Variants in WWP1 observed in about 807,000 individuals in gnomAD.
The protein encoded by WWP1 is NEDD4-like E3 ubiquitin-protein ligase WWP1.
A neutral mutation model predicts 130.6 loss-of-function variants in WWP1; 49 were observed. The observed-to-expected ratio is 0.38, with a 90% CI of 0.30 to 0.48. The LOEUF (loss-of-function observed/expected upper bound fraction) is 0.48. Among genes scored for constraint, WWP1 ranks in the 20% least tolerant of loss-of-function variants. The probability of loss-of-function intolerance (pLI) is 0.99; values close to 1 mark genes in which losing one functional copy is unlikely to be tolerated. For missense variants in WWP1, 809 were observed against 1,100.6 expected (o/e 0.74, Z 3.75); for synonymous variants, 332 against 367.8 (o/e 0.90, Z 1.11).
intron 1 of WWP1, among the ~76,000 whole-genome samples, chr8:86,361,639 A>G (rs1182670891): frequency 6.6e-6 from 1 of 152,096 alleles, no homozygotes; most frequent in Non-Finnish European, 1.5e-5. Context: ...CTGGGCACAG[A>G]ATGCCTTGAA....
At chr8:86,427,116 T>G (rs1328516158) in intron 10 of WWP1, among the ~76,000 whole-genome samples, 1 of 148,206 alleles carries the variant, frequency 6.7e-6, no homozygotes, top group African/African-American at 2.5e-5. Flanking sequence ...TGAGCCAAGA[T>G]CACACCATTG....
intron 4 of WWP1, among the ~76,000 whole-genome samples, 153 bp downstream of exon 4, chr8:86,381,017 T>A (rs1824953831): frequency 6.6e-6 from 1 of 151,614 alleles, no homozygotes; most frequent in African/African-American, 2.4e-5. Flanking sequence ...TTGGTTAAAT[T>A]TTTTTTTTAA....
intron 9 of WWP1, among the ~76,000 whole-genome samples, chr8:86,412,639 A>G (rs7843399): frequency 0.15 from 22,482 of 151,734 alleles, 1,802 homozygotes; most frequent in Non-Finnish European, 0.19. Context: ...CTGCACTTCT[A>G]GATGTCTCTA....
intron 9 of WWP1, among the ~76,000 whole-genome samples, chr8:86,414,102 C>G (rs1003916990): frequency 6.6e-6 from 1 of 151,916 alleles, no homozygotes; most frequent in Non-Finnish European, 1.5e-5. Context: ...AGAGTGCAAC[C>G]CGTTAATAGG....
At chr8:86,395,792 A>AAAG (rs1178331475) in intron 5 of WWP1, among the ~76,000 whole-genome samples, 13 of 152,396 alleles carry the variant, frequency 8.5e-5, no homozygotes, top group Non-Finnish European at 1.6e-4. Flanking sequence ...AAATATCTTC[A>AAAG]AAGAGTTGAG....
At chr8:86,430,784 GATATATATCTCTCCATATATAT>G in intron 12 of WWP1, 33 bp downstream of exon 12, 1 of 1,141,494 alleles carries the variant, frequency 8.8e-7, no homozygotes, top group Non-Finnish European at 1.2e-6. Flanking sequence ...CTATAAGGGA[GATATATATCTCTCCATATATAT>G]ATATATATAT....
intron 18 of WWP1, among the ~76,000 whole-genome samples, chr8:86,446,917 G>T (rs886431448): frequency 6.6e-6 from 1 of 152,198 alleles, no homozygotes; most frequent in African/African-American, 2.4e-5. Flanking sequence ...AGCAGATATA[G>T]TAGAACACAA....
chr8:86,343,275 C>T (rs1226885169), intron 1 of WWP1: 1 of 154,592 alleles, frequency 6.5e-6, no homozygotes, highest in Non-Finnish European at 1.4e-5. Context: ...CCTAACACCT[C>T]CCTGAAAACA....
intron 22 of WWP1, among the ~76,000 whole-genome samples, chr8:86,460,145 A>C (rs186306503): frequency 2.0e-5 from 3 of 152,356 alleles, no homozygotes; most frequent in Admixed American, 6.5e-5. Flanking sequence ...ATAACCAGTC[A>C]ATGAAATAGA....
At chr8:86,400,067 A>G (rs1293534257) in intron 7 of WWP1, among the ~76,000 whole-genome samples, 2 of 152,168 alleles carry the variant, frequency 1.3e-5, no homozygotes, top group Non-Finnish European at 2.9e-5. Flanking sequence ...ATGGTGGCTC[A>G]TTCCTGTAAT....
In WWP1 at chr8:86,448,295, GT is replaced by G; in HGVS notation, c.2132+18del. On this transcript the variant is annotated intron_variant, in intron 19 of 24. Transcript: ENST00000517970. The stretch of plus-strand genomic sequence containing the variant: ...TATCTGGATAAGGTTTGAAGATTTT[GT>G]TTTGCAATAAGTCATTTTTTTGAAA... The G allele has an allele frequency of 6.3e-7, 1 of 1,584,052 alleles. No homozygotes were observed.
intron 5 of WWP1, among the ~76,000 whole-genome samples, chr8:86,387,414 T>G (rs551660911): frequency 6.6e-6 from 1 of 152,270 alleles, no homozygotes; most frequent in East Asian, 1.9e-4. Flanking sequence ...TAATCTTGAT[T>G]TCTAATCTTT....
chr8:86,381,244 G>C (rs1033884606), intron 4 of WWP1, among the ~76,000 whole-genome samples: 6 of 152,132 alleles, frequency 3.9e-5, no homozygotes, highest in Non-Finnish European at 8.8e-5. Context: ...TGAAGTCTCA[G>C]TAAGACTCCT....
At chr8:86,427,414 T>G (rs926022500) in intron 10 of WWP1, among the ~76,000 whole-genome samples, 3 of 150,734 alleles carry the variant, frequency 2.0e-5, no homozygotes, top group Non-Finnish European at 4.4e-5. Context: ...AAAAAGAAAA[T>G]AAGCAAACTC....
chr8:86,412,157 G>A (rs545883136), intron 9 of WWP1, among the ~76,000 whole-genome samples: 18 of 152,092 alleles, frequency 1.2e-4, no homozygotes, highest in Middle Eastern at 3.2e-3. Context: ...TCTACTTTTC[G>A]TAAGAGTGAC....
chr8:86,438,763 T>G (rs1401980612), intron 17 of WWP1, 90 bp downstream of exon 17: 5 of 1,107,622 alleles, frequency 4.5e-6, no homozygotes, highest in Non-Finnish European at 6.1e-6. Context: ...GAATATATTG[T>G]ATTAAATTTT....
Position 86,395,107 on chromosome 8 carries a change from G to A in WWP1, c.335-3235G>A, listed in dbSNP as rs569184420. ...GAACTCCTCTAGTCTACACTCTTGGGCGTACCATCAAACCACTGTAAAATT... is the reference window on the plus strand; with the variant it reads ...GAACTCCTCTAGTCTACACTCTTGGACGTACCATCAAACCACTGTAAAATT... On this transcript the variant is annotated intron_variant, in intron 5 of 24. Transcript: ENST00000517970. 3.9e-5 allele frequency among the ~76,000 whole-genome samples: 6 copies of A among 152,184 alleles called. No individual in the cohort carries two copies. In the East Asian group the frequency reaches 1.2e-3, roughly 30 times the overall value.
At chr8:86,413,409 G>A (rs28561640) in intron 9 of WWP1, among the ~76,000 whole-genome samples, 111,009 of 152,036 alleles carry the variant, frequency 0.73, 41,384 homozygotes, top group African/African-American at 0.82. Flanking sequence ...AAGAGAAGTA[G>A]ACAATCAGCC....
chr8:86,407,942 C>A (rs958244016), intron 8 of WWP1, among the ~76,000 whole-genome samples: 9 of 152,004 alleles, frequency 5.9e-5, no homozygotes, highest in Admixed American at 5.9e-4. Flanking sequence ...AACTAATGTT[C>A]CTTCTTTGTA....
Sources: allele counts gnomAD v4.1 joint callset (sites outside exome capture counted in the v4.1 genomes callset), GRCh38; gene constraint gnomAD v4.1.1; transcripts MANE v1.5; gene names NCBI Gene and HGNC (gene_info 2026-07-23, HGNC 2026-07-21).